The following CSMD1 variants were observed in gnomAD, a reference collection of about 807,000 sequenced individuals.
CSMD1 encodes CUB and Sushi multiple domains 1, also known as CUB and sushi domain-containing protein 1.
CSMD1 carries 213 observed loss-of-function variants against 417.5 expected under a neutral mutation model. The observed-to-expected ratio is 0.51, with a 90% CI of 0.46 to 0.57. The LOEUF is 0.57. Ranked by LOEUF, CSMD1 falls within the 20% of genes least tolerant of loss-of-function variation. The pLI is 0.00. For missense variants in CSMD1, 6,923 were observed against 4,529.7 expected (o/e 1.53, Z -15.17); for synonymous variants, 2,862 against 1,736.8 (o/e 1.65, Z -16.11).
At chr8:4,938,273 T>C (rs376609957) in intron 1 of CSMD1, among the ~76,000 whole-genome samples, 1 of 152,204 alleles carries the variant, frequency 6.6e-6, no homozygotes, top group East Asian at 1.9e-4. Context: ...ACTCTATTTG[T>C]TGGACTTTGC....
intron 1 of CSMD1, among the ~76,000 whole-genome samples, chr8:4,785,391 G>C (rs190795664): frequency 6.6e-6 from 1 of 152,294 alleles, no homozygotes; most frequent in East Asian, 1.9e-4. Flanking sequence ...AGGTACCTCA[G>C]TTCAGAATCT....
chr8:4,515,059 A>G (rs564172635), intron 2 of CSMD1, among the ~76,000 whole-genome samples: 7 of 152,314 alleles, frequency 4.6e-5, no homozygotes, highest in African/African-American at 1.7e-4. Context: ...CTCCACACCC[A>G]GAAGGCAAAT....
intron 3 of CSMD1, among the ~76,000 whole-genome samples, chr8:4,061,029 T>A (rs528408115): frequency 6.6e-6 from 1 of 150,966 alleles, no homozygotes; most frequent in Non-Finnish European, 1.5e-5. Flanking sequence ...ACAATACCCA[T>A]TGTGATTAAT....
intron 1 of CSMD1, among the ~76,000 whole-genome samples, chr8:4,739,859 T>C (rs888560146): frequency 1.3e-5 from 2 of 152,108 alleles, no homozygotes; most frequent in Non-Finnish European, 2.9e-5. Flanking sequence ...TTCCTACTCT[T>C]CCCAGAGGGA....
chr8:3,581,351 A>G (rs17395384), intron 9 of CSMD1, among the ~76,000 whole-genome samples: 16,044 of 152,242 alleles, frequency 0.11, 1,059 homozygotes, highest in Non-Finnish European at 0.14. Flanking sequence ...GTAATTCCAA[A>G]CAAAATCACT....
At chr8:4,607,136 G>A (rs1800918799) in intron 2 of CSMD1, among the ~76,000 whole-genome samples, 1 of 151,910 alleles carries the variant, frequency 6.6e-6, no homozygotes, top group South Asian at 2.1e-4. Flanking sequence ...TTTTACCTGG[G>A]AAAGACAGTT....
intron 23 of CSMD1, among the ~76,000 whole-genome samples, chr8:3,327,807 G>T (rs1411535001): frequency 6.6e-6 from 1 of 152,172 alleles, no homozygotes; most frequent in Non-Finnish European, 1.5e-5. Flanking sequence ...TAAATGTTGT[G>T]TTTTTTCCTT....
chr8:3,395,396 T>A (rs1285024117), intron 17 of CSMD1, among the ~76,000 whole-genome samples: 1 of 152,180 alleles, frequency 6.6e-6, no homozygotes, highest in East Asian at 1.9e-4. Context: ...TTTGTTTTAA[T>A]TGGCTAATGT....
chr8:3,065,929 C>T (rs1263359261), intron 49 of CSMD1, among the ~76,000 whole-genome samples: 2 of 152,096 alleles, frequency 1.3e-5, no homozygotes, highest in Admixed American at 6.6e-5. Flanking sequence ...GAGGTTATCA[C>T]CCACTAAGCC....
Position 4,722,340 on chromosome 8 carries a change from G to A in CSMD1, c.86-84782C>T, listed in dbSNP as rs193288259. On this transcript the variant is annotated intron_variant, in intron 1 of 69. Coordinates refer to ENST00000635120, the MANE Select transcript of CSMD1 (RefSeq NM_033225.6). ...TGAAGAAAATATATTTAATATCCAT[G>A]CAGATTTTAATTTTATCAAAGGCAA... is the stretch of plus-strand genomic sequence containing the variant. Among the ~76,000 whole-genome samples, 10 of 152,246 alleles carry A rather than the reference G, an allele frequency of 6.6e-5. No individual in the cohort carries two copies. In the East Asian group the frequency reaches 1.9e-3, roughly 29 times the overall value.
intron 26 of CSMD1, among the ~76,000 whole-genome samples, chr8:3,251,236 T>A (rs1304500142): frequency 6.6e-6 from 1 of 152,228 alleles, no homozygotes; most frequent in African/African-American, 2.4e-5. Context: ...GAATTAATTT[T>A]TGTATAAGGT....
At chr8:3,128,017 C>T (rs1421930963) in intron 41 of CSMD1, 1 of 151,658 alleles carries the variant, frequency 6.6e-6, no homozygotes, top group Non-Finnish European at 1.5e-5. Flanking sequence ...CTCCAAATTG[C>T]AAAACCTAAA....
chr8:3,532,810 A>G (rs780585130), intron 10 of CSMD1, among the ~76,000 whole-genome samples: 5 of 152,200 alleles, frequency 3.3e-5, no homozygotes, highest in Admixed American at 6.5e-5. Context: ...TCTATATCTG[A>G]TTCACATTTG....
At chr8:3,750,910 G>C (rs879599701) in intron 6 of CSMD1, among the ~76,000 whole-genome samples, 5 of 152,034 alleles carry the variant, frequency 3.3e-5, no homozygotes, top group Non-Finnish European at 7.4e-5. Context: ...AAAAATAATC[G>C]TAGTGCCTTT....
chr8:3,644,599 A>G (rs1284216632), intron 7 of CSMD1, among the ~76,000 whole-genome samples: 1 of 152,158 alleles, frequency 6.6e-6, no homozygotes, highest in Non-Finnish European at 1.5e-5. Context: ...TGTGAAAGGA[A>G]TGAACGGGAT....
intron 3 of CSMD1, among the ~76,000 whole-genome samples, chr8:4,368,493 C>A (rs529326323): frequency 6.6e-6 from 1 of 152,244 alleles, no homozygotes; most frequent in East Asian, 1.9e-4. Context: ...CATAAAGTGA[C>A]TTAGAGAGAA....
intron 3 of CSMD1, among the ~76,000 whole-genome samples, chr8:4,312,875 A>G (rs532690630): frequency 6.6e-6 from 1 of 152,284 alleles, no homozygotes; most frequent in African/African-American, 2.4e-5. Flanking sequence ...AAAAACATTA[A>G]AAAACAAAAA....
intron 5 of CSMD1, among the ~76,000 whole-genome samples, chr8:3,893,993 C>G (rs977791503): frequency 2.0e-5 from 3 of 152,026 alleles, no homozygotes; most frequent in Non-Finnish European, 4.4e-5. Flanking sequence ...CTTCCCATCT[C>G]CTTATGAATA....
At chr8:4,809,469 G>A (rs1724818072) in intron 1 of CSMD1, among the ~76,000 whole-genome samples, 2 of 152,102 alleles carry the variant, frequency 1.3e-5, no homozygotes, top group Admixed American at 1.3e-4. Flanking sequence ...AAACTAACAA[G>A]AGACTTCCAG....
Sources: allele counts gnomAD v4.1 joint callset (sites outside exome capture counted in the v4.1 genomes callset), GRCh38; gene constraint gnomAD v4.1.1; transcripts MANE v1.5; gene names NCBI Gene and HGNC (gene_info 2026-07-23, HGNC 2026-07-21).